The following MARCHF2 variants were observed in gnomAD, a reference collection of about 807,000 sequenced individuals.
MARCHF2 encodes the protein membrane associated ring-CH-type finger 2.
A neutral mutation model predicts 24.0 loss-of-function variants in MARCHF2; 22 were observed. The observed-to-expected ratio is 0.92, with a 90% CI of 0.66 to 1.31. The LOEUF (loss-of-function observed/expected upper bound fraction) is 1.31, where lower values mean the gene tolerates loss of function less well. Among genes scored for constraint, MARCHF2 ranks in the 50% most tolerant of loss-of-function variants. The pLI, the probability that MARCHF2 is intolerant of heterozygous loss-of-function variation, is 0.00. For missense variants in MARCHF2, 301 were observed against 335.3 expected (o/e 0.90, Z 0.80); for synonymous variants, 154 against 153.0 (o/e 1.01, Z -0.05).
chr19:8,438,679 A>G lies in MARCHF2; in HGVS notation c.*133A>G. The G allele has an allele frequency of 1.1e-6, 1 of 888,008 alleles. No homozygotes were observed. The highest frequency in any genetic ancestry group is 2.8e-5 in the Admixed American group (1 of 35,358). 55.0% of individuals were successfully genotyped at this position (888,008 alleles called of 1,614,324 possible). A position where few individuals can be genotyped will look rare whatever the true frequency, so the allele number is the denominator to read the frequency against. On this transcript the variant is annotated 3_prime_UTR_variant, in exon 5 of 5. Transcript: ENST00000215555. Reference sequence around the variant, plus strand: ...CGGCCTGAACGCTTCTTAGGCCAAGAGACACCATGCAGAGCCTAGTCTGTG... The same window carrying G: ...CGGCCTGAACGCTTCTTAGGCCAAGGGACACCATGCAGAGCCTAGTCTGTG...
chr19:8,417,060 G>GT (rs1016886728), intron 1 of MARCHF2, among the ~76,000 whole-genome samples: 1,796 of 146,224 alleles, frequency 0.012, 25 homozygotes, highest in African/African-American at 0.036. Flanking sequence ...TTTACCTGTG[G>GT]TTTTTTTTTT....
chr19:8,424,382 C>T (rs2145550922), intron 2 of MARCHF2, among the ~76,000 whole-genome samples: 1 of 151,892 alleles, frequency 6.6e-6, no homozygotes, highest in Non-Finnish European at 1.5e-5. Flanking sequence ...ATCTACCTTT[C>T]CCAGGCCTTG....
At chr19:8,421,125 GTT>G (rs1244605480) in intron 1 of MARCHF2, among the ~76,000 whole-genome samples, 7 of 141,094 alleles carry the variant, frequency 5.0e-5, no homozygotes, top group Admixed American at 2.1e-4. Context: ...TTTTTTTTGG[GTT>G]TTTTTTTTTT....
At position 8,430,929 on chromosome 19, in the gene MARCHF2, A is replaced by G. The variant is rs1967566412; in HGVS notation, c.582+62A>G. On this transcript the variant is annotated intron_variant, in intron 4 of 4. Coordinates refer to ENST00000215555, the MANE Select transcript of MARCHF2 (RefSeq NM_001005415.2). This position sits in a 1 kb window ranked among gnomAD's most constrained non-coding sequence, Gnocchi z 4.4. ...TCTGCCGCTGGGAGCAGCAGGGCCAAGGATTTGGCCCCTGGCTTGTGGGGC... is the reference window on the plus strand; with the variant it reads ...TCTGCCGCTGGGAGCAGCAGGGCCAGGGATTTGGCCCCTGGCTTGTGGGGC... 1.3e-6 allele frequency: 2 copies of G among 1,495,662 alleles called. No individual in the cohort carries two copies. Among genetic ancestry groups the G allele is most frequent in the East Asian group, 4.9e-5 (2 of 40,428 alleles). 92.6% of individuals were successfully genotyped at this position (1,495,662 alleles called of 1,614,324 possible).
At chr19:8,413,540 C>T (rs1452305765) in intron 1 of MARCHF2, 120 bp downstream of exon 1, 1 of 152,186 alleles carries the variant, frequency 6.6e-6, no homozygotes, top group Non-Finnish European at 1.5e-5. Context: ...CCACAGCCTT[C>T]TCGGGGACGC....
intron 4 of MARCHF2, among the ~76,000 whole-genome samples, chr19:8,438,057 C>T (rs1054534007): frequency 1.3e-5 from 2 of 152,154 alleles, no homozygotes; most frequent in African/African-American, 4.8e-5. Context: ...TGAGCCACCT[C>T]GCCCGGCCTG....
rs1967798564 is a variant in MARCHF2, at chr19:8,438,700, C to CT, written c.*155dup. On this transcript the variant is annotated 3_prime_UTR_variant, in exon 5 of 5. Transcript: ENST00000215555. ...CAAGAGACACCATGCAGAGCCTAGT[C>CT]TGTGATCCTGTGTGAAGATATTTTC... The CT allele has an allele frequency of 1.6e-6, 1 of 633,698 alleles. No individual in the cohort carries two copies. Among genetic ancestry groups the CT allele is most frequent in the Non-Finnish European group, 2.6e-6 (1 of 379,816 alleles). The allele number at this position is 633,698 out of a possible 1,614,324, so 39.3% of individuals were successfully genotyped here. A position where few individuals can be genotyped will look rare whatever the true frequency, so the allele number is the denominator to read the frequency against.
At chr19:8,424,464 G>A (rs969374455) in intron 2 of MARCHF2, among the ~76,000 whole-genome samples, 1 of 152,100 alleles carries the variant, frequency 6.6e-6, no homozygotes, top group Non-Finnish European at 1.5e-5. Context: ...TCAGGAGATC[G>A]AGACCATCCT....
At position 8,430,813 on chromosome 19, in the gene MARCHF2, G is replaced by T; in HGVS notation, c.528G>T (p.Val176=). 1 of 1,610,770 alleles carries T rather than the reference G, an allele frequency of 6.2e-7. No individual in the cohort carries two copies. ...GGCTCCACAGCCAGCTGGAGGCCGT[G>T]GGTCTCATTGCCCTCACCATCGCCC... is the stretch of plus-strand genomic sequence containing the variant. ...HLRLHSQLEA[V]GLIALTIALF... The change falls in exon 4 of 5, where the codon GTG becomes GTT. Residue 176 remains valine, a synonymous_variant. Transcript: ENST00000215555. The surrounding 1 kb of genome is among the most constrained non-coding windows in gnomAD (Gnocchi z 4.4).
Position 8,437,755 on chromosome 19 carries a change from A to T in MARCHF2, c.583-633A>T, listed in dbSNP as rs559034150. Among the ~76,000 whole-genome samples, 16 of 139,714 alleles carry T rather than the reference A, an allele frequency of 1.1e-4. No individual in the cohort carries two copies. In the East Asian group the frequency reaches 1.6e-3, roughly 14 times the overall value. 91.7% of individuals were successfully genotyped at this position (139,714 alleles called of 152,430 possible). ...TATGTGACTGATTTACATTAAAAAA[A>T]TTTTTTTGAGACAGGGTCTCACTCT... On this transcript the variant is annotated intron_variant, in intron 4 of 4. Coordinates refer to ENST00000215555, the MANE Select transcript of MARCHF2 (RefSeq NM_001005415.2).
chr19:8,415,739 A>AAAAAAAAAAC (rs1568233676), intron 1 of MARCHF2, among the ~76,000 whole-genome samples: 1 of 96,800 alleles, frequency 1.0e-5, no homozygotes, highest in African/African-American at 4.0e-5. Flanking sequence ...AAAAAACAAA[A>AAAAAAAAAAC]AAAACAAAAA....
At chr19:8,437,705 C>T in intron 4 of MARCHF2, among the ~76,000 whole-genome samples, 1 of 133,072 alleles carries the variant, frequency 7.5e-6, no homozygotes, top group East Asian at 2.1e-4. Flanking sequence ...TTTGTTTGCA[C>T]GTTCTGGTTG....
At chr19:8,421,232 C>T (rs1340824379) in intron 1 of MARCHF2, among the ~76,000 whole-genome samples, 1 of 151,540 alleles carries the variant, frequency 6.6e-6, no homozygotes, top group Non-Finnish European at 1.5e-5. Flanking sequence ...AAGCGATTGT[C>T]CCGCCTCAGC....
intron 4 of MARCHF2, among the ~76,000 whole-genome samples, chr19:8,436,752 G>T (rs1029945651): frequency 8.7e-5 from 12 of 138,590 alleles, no homozygotes; most frequent in African/African-American, 3.2e-4. Flanking sequence ...GAGCGATCTC[G>T]GCTTACCGCA....
intron 3 of MARCHF2, among the ~76,000 whole-genome samples, chr19:8,428,687 AG>A (rs1967488953): frequency 7.4e-6 from 1 of 135,938 alleles, no homozygotes; most frequent in South Asian, 2.4e-4. Context: ...AAAAAAACCA[AG>A]GCTGGACGTG....
chr19:8,433,262 G>C (rs904217074), intron 4 of MARCHF2, among the ~76,000 whole-genome samples: 1 of 151,734 alleles, frequency 6.6e-6, no homozygotes, highest in African/African-American at 2.4e-5. Context: ...AAAAAAAAAG[G>C]CTGGGTGCAG....
chr19:8,438,216 G>A (rs1452209389), intron 4 of MARCHF2, among the ~76,000 whole-genome samples, 172 bp from the exon 5 acceptor site: 1 of 152,152 alleles, frequency 6.6e-6, no homozygotes, highest in Non-Finnish European at 1.5e-5. Flanking sequence ...GTCACCAGGA[G>A]TGTGAATGGG....
rs1230223487 is a variant in MARCHF2, at chr19:8,415,735, C to CAA, written c.-53+2322_-53+2323dup. ...AAACTCCATCTCAAAAAAAAAAAAA[C>CAA]AAAAAAAACAAAAAAAAAAACCAGA... On this transcript the variant is annotated intron_variant, in intron 1 of 4. Coordinates refer to ENST00000215555, the MANE Select transcript of MARCHF2 (RefSeq NM_001005415.2). Among the ~76,000 whole-genome samples, 21 of 96,720 alleles carry CAA rather than the reference C, an allele frequency of 2.2e-4. No individual in the cohort carries two copies. The East Asian group carries it at 4.8e-3, about 22-fold the overall frequency. The allele number at this position is 96,720 out of a possible 152,430, so 63.5% of individuals were successfully genotyped here. A position where few individuals can be genotyped will look rare whatever the true frequency, so the allele number is the denominator to read the frequency against.
At chr19:8,419,574 T>G (rs1481027581) in intron 1 of MARCHF2, among the ~76,000 whole-genome samples, 1 of 151,036 alleles carries the variant, frequency 6.6e-6, no homozygotes, top group Non-Finnish European at 1.5e-5. Context: ...CCCAGCACTT[T>G]GGGAGGCCGA....
Sources: allele counts gnomAD v4.1 joint callset (sites outside exome capture counted in the v4.1 genomes callset), GRCh38; gene constraint gnomAD v4.1.1; non-coding constraint Gnocchi (gnomAD v3.1); transcripts MANE v1.5; gene names NCBI Gene and HGNC (gene_info 2026-07-23, HGNC 2026-07-21).